KIAA0825: variants seen among roughly 807,000 people sequenced by gnomAD.
The protein encoded by KIAA0825 is KIAA0825.
KIAA0825 carries 119 observed loss-of-function variants against 147.6 expected under a neutral mutation model. The observed-to-expected ratio is 0.81, with a 90% CI of 0.69 to 0.94. The LOEUF (loss-of-function observed/expected upper bound fraction) is 0.94, where lower values mean the gene tolerates loss of function less well. Among genes scored for constraint, KIAA0825 ranks in the 40% least tolerant of loss-of-function variants. The probability of loss-of-function intolerance (pLI) is 0.00; values close to 1 mark genes in which losing one functional copy is unlikely to be tolerated. For missense variants in KIAA0825, 1,381 were observed against 1,472.7 expected, an observed-to-expected ratio of 0.94 and a Z score of 1.02; for synonymous variants, 470 against 518.1, an observed-to-expected ratio of 0.91 and a Z score of 1.26.
At chr5:94,326,311 A>G (rs1780688085) in intron 20 of KIAA0825, among the ~76,000 whole-genome samples, 2 of 152,148 alleles carry the variant, frequency 1.3e-5, no homozygotes, top group Admixed American at 6.6e-5. Flanking sequence ...TTTCATTATT[A>G]TAATTTTGTA....
chr5:94,527,349 G>A (rs1561264502), intron 3 of KIAA0825, among the ~76,000 whole-genome samples: 1 of 151,836 alleles, frequency 6.6e-6, no homozygotes, highest in Non-Finnish European at 1.5e-5. Context: ...TGAAACTTCA[G>A]CTTATTATAA....
At chr5:94,400,207 TC>T (rs1445173750) in intron 16 of KIAA0825, among the ~76,000 whole-genome samples, 3 of 152,290 alleles carry the variant, frequency 2.0e-5, no homozygotes, top group African/African-American at 4.8e-5. Flanking sequence ...AATATGTTGT[TC>T]TTGCAAACGA....
intron 15 of KIAA0825, among the ~76,000 whole-genome samples, chr5:94,406,776 CT>C (rs759420758): frequency 2.0e-5 from 3 of 152,150 alleles, no homozygotes; most frequent in Non-Finnish European, 4.4e-5. Flanking sequence ...AACGAGCAGC[CT>C]TGAAGCCATG....
At chr5:94,431,421 G>C (rs1755651672) in intron 14 of KIAA0825, among the ~76,000 whole-genome samples, 1 of 152,186 alleles carries the variant, frequency 6.6e-6, no homozygotes, top group African/African-American at 2.4e-5. Flanking sequence ...CATGAACCAG[G>C]CCAGGCACTG....
In KIAA0825 at chr5:94,153,890, C is replaced by A; in HGVS notation, c.*117G>T. The stretch of plus-strand genomic sequence containing the variant: ...ATTCCTTTTCAGTACAGAGATTACT[C>A]AGTCATTGGTTTCATGCTTCACAGC... On this transcript the variant is annotated 3_prime_UTR_variant, in exon 21 of 21. Transcript: ENST00000682413. 1.6e-6 allele frequency: 1 copy of A among 644,566 alleles called. No homozygotes were observed. The allele number at this position is 644,566 out of a possible 1,614,324, so 39.9% of individuals were successfully genotyped here. A position where few individuals can be genotyped will look rare whatever the true frequency, so the allele number is the denominator to read the frequency against.
At chr5:94,181,638 T>C (rs1057394175) in intron 20 of KIAA0825, among the ~76,000 whole-genome samples, 1 of 152,190 alleles carries the variant, frequency 6.6e-6, no homozygotes, top group Non-Finnish European at 1.5e-5. Context: ...ATTACTGCTG[T>C]AAGACATGCC....
chr5:94,461,893 AAAGT>A (rs1759884971), intron 12 of KIAA0825, among the ~76,000 whole-genome samples: 1 of 152,004 alleles, frequency 6.6e-6, no homozygotes, highest in South Asian at 2.1e-4. Context: ...CCAGAAATCA[AAAGT>A]AATTCCACAT....
At chr5:94,220,034 C>A (rs565282104) in intron 20 of KIAA0825, among the ~76,000 whole-genome samples, 30 of 152,292 alleles carry the variant, frequency 2.0e-4, no homozygotes, top group Admixed American at 9.2e-4. Context: ...CTTGTAATAA[C>A]ATTTAGCTTA....
At chr5:94,276,092 C>A (rs1424954129) in intron 20 of KIAA0825, among the ~76,000 whole-genome samples, 1 of 152,036 alleles carries the variant, frequency 6.6e-6, no homozygotes, top group East Asian at 1.9e-4. Flanking sequence ...TCACTGCATG[C>A]TAGGTCTCTG....
Position 94,276,027 on chromosome 5 carries a change from C to T in KIAA0825, c.3710+108341G>A, listed in dbSNP as rs187404631. ...ATTAATCCACATCTCCAAATGTCAG[C>T]AGGACTTAGGCAAATGGAATGACAT... On this transcript the variant is annotated intron_variant, in intron 20 of 20. Transcript: ENST00000682413. Among the ~76,000 whole-genome samples, 3 of 152,222 alleles carry T rather than the reference C, an allele frequency of 2.0e-5. No individual in the cohort carries two copies. In the East Asian group the frequency reaches 5.8e-4, roughly 29 times the overall value.
intron 20 of KIAA0825, among the ~76,000 whole-genome samples, chr5:94,265,704 G>T (rs775744288): frequency 6.6e-6 from 1 of 152,172 alleles, no homozygotes; most frequent in Non-Finnish European, 1.5e-5. Context: ...AGGAGGCTGA[G>T]GCAGGAGAAT....
chr5:94,416,815 A>T (rs1170279144), intron 15 of KIAA0825: 2 of 179,580 alleles, frequency 1.1e-5, no homozygotes, highest in African/African-American at 2.4e-5. Context: ...GACCAATAGT[A>T]TTGTCCATTA....
chr5:94,375,224 G>C (rs1236824175), intron 20 of KIAA0825, among the ~76,000 whole-genome samples: 3 of 151,646 alleles, frequency 2.0e-5, no homozygotes, highest in South Asian at 2.1e-4. Flanking sequence ...GTAGAGACAG[G>C]GTTTCACTAT....
chr5:94,347,229 G>A (rs113812331), intron 20 of KIAA0825, among the ~76,000 whole-genome samples: 114 of 152,310 alleles, frequency 7.5e-4, no homozygotes, highest in African/African-American at 2.6e-3. Flanking sequence ...ACCCACCCTA[G>A]TAGCAGAAAA....
chr5:94,186,157 T>G (rs1562301180), intron 20 of KIAA0825, among the ~76,000 whole-genome samples: 2 of 152,210 alleles, frequency 1.3e-5, no homozygotes, highest in Admixed American at 6.5e-5. Flanking sequence ...GTGGAATAAA[T>G]TAAGACTATC....
chr5:94,396,046 T>C (rs1253059591), intron 17 of KIAA0825, 55 bp downstream of exon 17: 2 of 1,373,436 alleles, frequency 1.5e-6, no homozygotes. Flanking sequence ...TATTGGTGAT[T>C]TTGTTATTGT....
chr5:94,162,041 T>C (rs536694320), intron 20 of KIAA0825, among the ~76,000 whole-genome samples: 128 of 152,312 alleles, frequency 8.4e-4, no homozygotes, highest in Non-Finnish European at 1.1e-3. Context: ...AAGAGTGGAT[T>C]CTTCTGTTCT....
chr5:94,398,797 G>C (rs1276557934), intron 16 of KIAA0825, among the ~76,000 whole-genome samples: 1 of 152,104 alleles, frequency 6.6e-6, no homozygotes, highest in Non-Finnish European at 1.5e-5. Context: ...GAAGCCAAAA[G>C]AAAGTAGCTT....
intron 20 of KIAA0825, among the ~76,000 whole-genome samples, chr5:94,303,388 G>A (rs1208009443): frequency 6.6e-6 from 1 of 150,652 alleles, no homozygotes; most frequent in South Asian, 2.1e-4. Flanking sequence ...CATATATTAG[G>A]GATAATTTCA....
Sources: gnomAD v4.1 joint callset for allele counts (sites outside exome capture counted in the v4.1 genomes callset) on GRCh38, gnomAD v4.1.1 for gene constraint, MANE v1.5 for transcripts, NCBI Gene and HGNC (gene_info 2026-07-23, HGNC 2026-07-21) for gene names.